Variants in PARD3B observed in about 807,000 individuals in gnomAD.
PARD3B encodes partitioning defective 3 homolog B.
Under a neutral mutation model 130.2 loss-of-function variants are expected in PARD3B, and 103 were observed. The ratio of observed to expected loss-of-function variants is 0.79; its 90% CI spans 0.67 to 0.93. The LOEUF (loss-of-function observed/expected upper bound fraction) is 0.93, where lower values mean the gene tolerates loss of function less well. Among genes scored for constraint, PARD3B ranks in the 40% least tolerant of loss-of-function variants. The probability of loss-of-function intolerance (pLI) is 0.00; values close to 1 mark genes in which losing one functional copy is unlikely to be tolerated. For missense variants in PARD3B, 1,609 were observed against 1,499.2 expected, an observed-to-expected ratio of 1.07 and a Z score of -1.21; for synonymous variants, 583 against 553.2, an observed-to-expected ratio of 1.05 and a Z score of -0.76.
At chr2:204,616,874 C>T (rs1424587971) in intron 1 of PARD3B, among the ~76,000 whole-genome samples, 1 of 152,164 alleles carries the variant, frequency 6.6e-6, no homozygotes, top group Non-Finnish European at 1.5e-5. Context: ...GCCATTTTAG[C>T]ATAATGCTAA....
chr2:204,814,059 C>T (rs916878184), intron 2 of PARD3B, among the ~76,000 whole-genome samples: 1 of 152,024 alleles, frequency 6.6e-6, no homozygotes, highest in Non-Finnish European at 1.5e-5. Context: ...GGAGAACTTG[C>T]ATCTTAATAA....
intron 1 of PARD3B, among the ~76,000 whole-genome samples, chr2:204,683,629 C>T (rs2036943594): frequency 6.6e-6 from 1 of 152,144 alleles, no homozygotes. Context: ...ATTTTGCCCC[C>T]TCTCAGATGT....
rs114875655 is a variant in PARD3B at position 204,978,156 on chromosome 2, C to T, written c.394+12833C>T. Among the ~76,000 whole-genome samples, 471 of 152,288 alleles carry T rather than the reference C, an allele frequency of 3.1e-3. 5 individuals are homozygous for T. Among genetic ancestry groups the T allele is most frequent in the African/African-American group, 0.011 (439 of 41,550 alleles). ...TAGAGCAGCCTCCAGGGGGCCAGAA[C>T]AGGGCATAGAAGACTGGGGAGTGGC... is the stretch of plus-strand genomic sequence containing the variant. On this transcript the variant is annotated intron_variant, in intron 3 of 22. Coordinates refer to ENST00000406610, the MANE Select transcript of PARD3B (RefSeq NM_001302769.2).
chr2:204,720,656 C>T (rs1391993700), intron 2 of PARD3B, among the ~76,000 whole-genome samples: 3 of 152,090 alleles, frequency 2.0e-5, no homozygotes, highest in Non-Finnish European at 4.4e-5. Flanking sequence ...ACATTGTCTA[C>T]TTTTGATCAG....
rs1559636660 is a variant in PARD3B, at chr2:205,300,523, T to G, written c.2186-7T>G. 3 of 1,611,272 alleles carry G rather than the reference T, an allele frequency of 1.9e-6. No individual in the cohort carries two copies. Among genetic ancestry groups the G allele is most frequent in the Non-Finnish European group, 2.5e-6 (3 of 1,178,226 alleles). On this transcript the variant is annotated splice_region_variant and splice_polypyrimidine_tract_variant and intron_variant, in intron 16 of 22. Coordinates refer to ENST00000406610, the MANE Select transcript of PARD3B (RefSeq NM_001302769.2). The surrounding 1 kb of genome is among the most constrained non-coding windows in gnomAD (Gnocchi z 4.1). ...AGAGGGGTGACCTTTTGCCCTTTCTTTTCCAGAATCTCCAAGCAAAGATTT... is the reference window on the plus strand; with the variant it reads ...AGAGGGGTGACCTTTTGCCCTTTCTGTTCCAGAATCTCCAAGCAAAGATTT...
At chr2:205,466,795 C>G (rs1302888817) in intron 20 of PARD3B, among the ~76,000 whole-genome samples, 1 of 152,234 alleles carries the variant, frequency 6.6e-6, no homozygotes, top group African/African-American at 2.4e-5. Context: ...TCACTGCAAT[C>G]TCCACCTCCC....
At chr2:204,826,403 T>C (rs1007311015) in intron 2 of PARD3B, among the ~76,000 whole-genome samples, 2 of 152,146 alleles carry the variant, frequency 1.3e-5, no homozygotes, top group Non-Finnish European at 2.9e-5. Context: ...AGCTGTCAAA[T>C]TGGGATAAGT....
chr2:204,818,508 T>C (rs2043221135), intron 2 of PARD3B, among the ~76,000 whole-genome samples: 1 of 152,196 alleles, frequency 6.6e-6, no homozygotes, highest in African/African-American at 2.4e-5. Context: ...TTTCAGTAAT[T>C]CCTGTGGGAT....
Position 204,965,320 on chromosome 2 carries a change from C to G in PARD3B, c.391C>G (p.Leu131Val), listed in dbSNP as rs371949901. The change falls in exon 3 of 23, where the codon CTA becomes GTA. Residue 131 changes from leucine (L) to valine (V), a missense_variant. Coordinates refer to ENST00000406610, the MANE Select transcript of PARD3B (RefSeq NM_001302769.2). ...TGAAGTAACCCCTTCTGCTCTAAAACTAGGTATGTGTAATGTTTATGATAT... is the reference window on the plus strand; with the variant it reads ...TGAAGTAACCCCTTCTGCTCTAAAAGTAGGTATGTGTAATGTTTATGATAT... The part of the protein sequence containing the change: ...EIEVTPSALK[L>V]GTPLLVRRSS... 5 of 1,613,442 alleles carry G rather than the reference C, an allele frequency of 3.1e-6. No individual in the cohort carries two copies. Among genetic ancestry groups the G allele is most frequent in the Non-Finnish European group, 4.2e-6 (5 of 1,179,670 alleles).
In PARD3B at chr2:205,562,633, AAAG is replaced by A. The variant is rs2053177692; in HGVS notation, c.3260+9234_3260+9236del. On this transcript the variant is annotated intron_variant, in intron 22 of 22. Transcript: ENST00000406610. This position sits in a 1 kb window ranked among gnomAD's most constrained non-coding sequence, Gnocchi z 5.4. ...ATTTCCTACTTCTCCAGCCAAAAGAAAAGAAGGTTGTTTTGTGCCTAGGCATCT... is the reference window on the plus strand; with the variant it reads ...ATTTCCTACTTCTCCAGCCAAAAGAAAAGGTTGTTTTGTGCCTAGGCATCT... Among the ~76,000 whole-genome samples the A allele has an allele frequency of 6.6e-6, 1 of 152,196 alleles. No individual in the cohort carries two copies. The highest frequency in any genetic ancestry group is 2.1e-4 in the South Asian group (1 of 4,828).
At chr2:204,692,012 G>C (rs1574718881) in intron 2 of PARD3B, among the ~76,000 whole-genome samples, 1 of 152,068 alleles carries the variant, frequency 6.6e-6, no homozygotes, top group African/African-American at 2.4e-5. Flanking sequence ...ATTTTAAAAT[G>C]GAGACTGGTT....
intron 3 of PARD3B, among the ~76,000 whole-genome samples, chr2:205,033,644 C>T (rs1021526900): frequency 6.6e-6 from 1 of 152,270 alleles, no homozygotes; most frequent in African/African-American, 2.4e-5. Context: ...TCTTAGTCAT[C>T]ATTTTACACC....
chr2:205,393,969 A>G (rs1193207494), intron 18 of PARD3B, among the ~76,000 whole-genome samples: 1 of 152,184 alleles, frequency 6.6e-6, no homozygotes, highest in East Asian at 1.9e-4. Context: ...ACTATTAAGA[A>G]TAATATTAAA....
chr2:205,331,067 A>G (rs1228752321), intron 18 of PARD3B, among the ~76,000 whole-genome samples: 1 of 152,164 alleles, frequency 6.6e-6, no homozygotes, highest in Non-Finnish European at 1.5e-5. Flanking sequence ...TGTTGGCGAA[A>G]AAGGCAGCCT....
chr2:204,948,812 C>T (rs1575394046), intron 2 of PARD3B, among the ~76,000 whole-genome samples: 1 of 152,300 alleles, frequency 6.6e-6, no homozygotes, highest in Non-Finnish European at 1.5e-5. Context: ...TCACCGACTT[C>T]CAGGGTTTGG....
At chr2:204,764,743 T>TGTGTGTGTGTGTGTGTGTG (rs1559126865) in intron 2 of PARD3B, among the ~76,000 whole-genome samples, 7 of 151,114 alleles carry the variant, frequency 4.6e-5, no homozygotes, top group African/African-American at 1.5e-4. Context: ...TGTGTGTGTG[T>TGTGTGTGTGTGTGTGTGTG]AGTTAATTTT....
At chr2:205,007,481 T>C (rs747262990) in intron 3 of PARD3B, among the ~76,000 whole-genome samples, 11 of 152,190 alleles carry the variant, frequency 7.2e-5, no homozygotes, top group Non-Finnish European at 1.5e-4. Context: ...TATGCTTTAC[T>C]GGCTGTGAGT....
chr2:204,790,505 A>T (rs538631309), intron 2 of PARD3B, among the ~76,000 whole-genome samples: 1 of 152,228 alleles, frequency 6.6e-6, no homozygotes, highest in African/African-American at 2.4e-5. Context: ...GTGGTGTGTT[A>T]TAAGAAGTGT....
chr2:204,781,324 A>G (rs753415466), intron 2 of PARD3B, among the ~76,000 whole-genome samples: 2 of 152,170 alleles, frequency 1.3e-5, no homozygotes, highest in Non-Finnish European at 2.9e-5. Context: ...AAGTATCATA[A>G]TATTGGCACA....
Sources: gnomAD v4.1 joint callset for allele counts (sites outside exome capture counted in the v4.1 genomes callset) on GRCh38, gnomAD v4.1.1 for gene constraint, Gnocchi (gnomAD v3.1) non-coding constraint, MANE v1.5 for transcripts, NCBI Gene and HGNC (gene_info 2026-07-23, HGNC 2026-07-21) for gene names.